The following PCDH15 variants were observed in gnomAD, a reference collection of about 807,000 sequenced individuals.
PCDH15 encodes protocadherin related 15.
In PCDH15, 129 loss-of-function variants were observed where a neutral mutation model predicts 178.5. That is an observed-to-expected ratio of 0.72 (90% CI 0.63 to 0.84). PCDH15 has a LOEUF of 0.84. PCDH15 is among the 40% of genes least tolerant of loss of function. The probability of loss-of-function intolerance (pLI) is 0.00; values close to 1 mark genes in which losing one functional copy is unlikely to be tolerated. For synonymous variants in PCDH15, 800 were observed against 732.0 expected, an observed-to-expected ratio of 1.09 and a Z score of -1.50; for missense variants, 2,230 against 2,099.9, an observed-to-expected ratio of 1.06 and a Z score of -1.21.
chr10:55,221,266 A>G (rs1257820348), intron 1 of PCDH15, among the ~76,000 whole-genome samples: 6 of 152,266 alleles, frequency 3.9e-5, no homozygotes, highest in Admixed American at 3.3e-4. Context: ...AGGTAGGGTT[A>G]CAGAACAGAG....
chr10:55,525,114 C>T (rs925034363), intron 2 of PCDH15, among the ~76,000 whole-genome samples: 5 of 151,672 alleles, frequency 3.3e-5, no homozygotes, highest in Admixed American at 6.6e-5. Context: ...GAATGCATCA[C>T]GGAACTCTGA....
intron 8 of PCDH15, among the ~76,000 whole-genome samples, chr10:54,310,771 G>C (rs2060852367): frequency 6.6e-6 from 1 of 151,886 alleles, no homozygotes; most frequent in Admixed American, 6.6e-5. Flanking sequence ...AATTACAAAA[G>C]AGAGAAGCCT....
chr10:55,555,716 G>A (rs1239009339), intron 2 of PCDH15, among the ~76,000 whole-genome samples: 1 of 152,020 alleles, frequency 6.6e-6, no homozygotes, highest in Admixed American at 6.6e-5. Flanking sequence ...AGTAATGAGG[G>A]TGCTTAGTGG....
chr10:54,681,636 G>A (rs1017024454), intron 1 of PCDH15, among the ~76,000 whole-genome samples: 1 of 152,074 alleles, frequency 6.6e-6, no homozygotes, highest in Non-Finnish European at 1.5e-5. Flanking sequence ...GTGGAGGAGT[G>A]GGAACAAAAG....
intron 26 of PCDH15, among the ~76,000 whole-genome samples, chr10:53,881,989 CTTTT>C (rs5785025): frequency 5.1e-5 from 7 of 138,172 alleles, no homozygotes; most frequent in Non-Finnish European, 7.8e-5. Context: ...TGCCCACTTG[CTTTT>C]TTTTTTTTTT....
At chr10:54,366,016 C>G (rs977488685) in intron 5 of PCDH15, among the ~76,000 whole-genome samples, 1 of 152,002 alleles carries the variant, frequency 6.6e-6, no homozygotes, top group South Asian at 2.1e-4. Context: ...AAATAAGGTA[C>G]ATGAAAGTAG....
chr10:55,153,287 C>T (rs985768), intron 2 of PCDH15, among the ~76,000 whole-genome samples: 89,682 of 151,762 alleles, frequency 0.59, 26,854 homozygotes, highest in East Asian at 0.84. Flanking sequence ...CACAGTGGCC[C>T]CCAAGATCAC....
intron 2 of PCDH15, among the ~76,000 whole-genome samples, chr10:55,585,888 G>A (rs1842718653): frequency 6.6e-6 from 1 of 151,990 alleles, no homozygotes; most frequent in African/African-American, 2.4e-5. Flanking sequence ...CTACTGTTCT[G>A]CCAGGCAATT....
intron 18 of PCDH15, among the ~76,000 whole-genome samples, chr10:54,036,052 A>G (rs1911395): frequency 0.6 from 90,759 of 151,680 alleles, 29,861 homozygotes; most frequent in Middle Eastern, 0.76. Context: ...TGAGAGAGGG[A>G]AGGAAGCTGC....
At chr10:55,161,826 C>A (rs1190080038) in intron 2 of PCDH15, among the ~76,000 whole-genome samples, 1 of 152,026 alleles carries the variant, frequency 6.6e-6, no homozygotes. Context: ...CAAGAAAAAA[C>A]AATTGTTAAA....
intron 2 of PCDH15, among the ~76,000 whole-genome samples, chr10:55,399,302 T>C (rs1046595849): frequency 1.3e-5 from 2 of 152,164 alleles, no homozygotes; most frequent in Non-Finnish European, 1.5e-5. Flanking sequence ...ATTTAAAATA[T>C]TTATTTTAAT....
At chr10:55,321,392 T>G (rs1843896887), upstream of PCDH15, among the ~76,000 whole-genome samples, 3 of 152,026 alleles carry the variant, frequency 2.0e-5, no homozygotes, top group Non-Finnish European at 4.4e-5. Flanking sequence ...GAAAAGAGAA[T>G]GAGAGAAAGC....
At chr10:54,067,117 A>G (rs1460399182) in intron 17 of PCDH15, among the ~76,000 whole-genome samples, 1 of 152,216 alleles carries the variant, frequency 6.6e-6, no homozygotes, top group Admixed American at 6.5e-5. Flanking sequence ...ATTAAAGGGC[A>G]AACATCTTTT....
At chr10:55,031,784 G>A (rs1203529437) in intron 2 of PCDH15, among the ~76,000 whole-genome samples, 1 of 152,094 alleles carries the variant, frequency 6.6e-6, no homozygotes, top group African/African-American at 2.4e-5. Context: ...TCTGGAGGAC[G>A]CAGGACTCAC....
intron 2 of PCDH15, among the ~76,000 whole-genome samples, chr10:55,008,679 C>T (rs933851130): frequency 2.0e-5 from 3 of 152,048 alleles, no homozygotes; most frequent in Non-Finnish European, 1.5e-5. Flanking sequence ...CAAGTAAATC[C>T]GTGGACTCAA....
At chr10:54,295,774 A>G (rs976872118) in intron 8 of PCDH15, among the ~76,000 whole-genome samples, 4 of 152,102 alleles carry the variant, frequency 2.6e-5, no homozygotes, top group Non-Finnish European at 4.4e-5. Flanking sequence ...GTACCATCGG[A>G]CCCCTTTCAC....
chr10:54,658,777 A>C (rs2094447283), intron 2 of PCDH15, among the ~76,000 whole-genome samples: 1 of 152,168 alleles, frequency 6.6e-6, no homozygotes, highest in Non-Finnish European at 1.5e-5. Flanking sequence ...ACAGGAATAA[A>C]ACCTCACATG....
intron 15 of PCDH15, among the ~76,000 whole-genome samples, chr10:54,093,291 T>G (rs2094633679): frequency 6.6e-6 from 1 of 152,164 alleles, no homozygotes; most frequent in East Asian, 1.9e-4. Context: ...TTGATTCCTT[T>G]CTTCATTTTT....
At chr10:54,335,106 T>C (rs987411607) in intron 6 of PCDH15, among the ~76,000 whole-genome samples, 1 of 152,198 alleles carries the variant, frequency 6.6e-6, no homozygotes, top group East Asian at 1.9e-4. Flanking sequence ...TCCTCTAATC[T>C]AATTTCCTAA....
Sources: allele counts gnomAD v4.1 joint callset (sites outside exome capture counted in the v4.1 genomes callset), GRCh38; gene constraint gnomAD v4.1.1; transcripts MANE v1.5; gene names NCBI Gene and HGNC (gene_info 2026-07-23, HGNC 2026-07-21).